Variants in DAG1 observed in about 807,000 individuals in gnomAD.
DAG1 encodes dystroglycan 1 (dystrophin-associated glycoprotein 1).
A neutral mutation model predicts 46.1 loss-of-function variants in DAG1; 8 were observed. The ratio of observed to expected loss-of-function variants is 0.17; its 90% CI spans 0.10 to 0.31. The LOEUF (loss-of-function observed/expected upper bound fraction) is 0.31, where lower values mean the gene tolerates loss of function less well. Among genes scored for constraint, DAG1 ranks in the 10% least tolerant of loss-of-function variants. The probability of loss-of-function intolerance (pLI) is 1.00; values close to 1 mark genes in which losing one functional copy is unlikely to be tolerated. For missense variants in DAG1, 1,003 were observed against 1,189.9 expected (o/e 0.84, Z 2.31); for synonymous variants, 495 against 481.8 (o/e 1.03, Z -0.36).
At chr3:49,469,672 C>G (rs1476382179), upstream of DAG1, among the ~76,000 whole-genome samples, 1 of 152,196 alleles carries the variant, frequency 6.6e-6, no homozygotes, top group Non-Finnish European at 1.5e-5. Flanking sequence ...GCTAGCTTCC[C>G]GCTCCTCCTG....
chr3:49,499,698 C>T (rs1183952406), intron 1 of DAG1, among the ~76,000 whole-genome samples: 1 of 152,138 alleles, frequency 6.6e-6, no homozygotes, highest in East Asian at 1.9e-4. Flanking sequence ...CCCCTTTCCT[C>T]CCACCAAGCA....
At chr3:49,480,592 G>A (rs1313175823) in intron 1 of DAG1, among the ~76,000 whole-genome samples, 2 of 121,010 alleles carry the variant, frequency 1.7e-5, no homozygotes, top group African/African-American at 5.2e-5. Flanking sequence ...TGCGTCCGGC[G>A]CATATAACAT....
intron 1 of DAG1, among the ~76,000 whole-genome samples, chr3:49,482,681 C>T (rs1575346529): frequency 6.6e-6 from 1 of 152,100 alleles, no homozygotes; most frequent in Non-Finnish European, 1.5e-5. Flanking sequence ...AATATTACAC[C>T]ATTTTATATA....
chr3:49,490,136 G>C (rs181977417), intron 1 of DAG1, among the ~76,000 whole-genome samples: 2 of 152,032 alleles, frequency 1.3e-5, no homozygotes, highest in African/African-American at 2.4e-5. Context: ...GACGGATCAC[G>C]AGGTCAGGAG....
intron 1 of DAG1, among the ~76,000 whole-genome samples, chr3:49,491,174 AT>A (rs1553644814): frequency 2.0e-5 from 3 of 149,814 alleles, no homozygotes; most frequent in Admixed American, 6.7e-5. Context: ...CACGCCTGGC[AT>A]TTTTTTCTAT....
At chr3:49,470,036 C>T (rs529343319), upstream of DAG1, 1 of 152,192 alleles carries the variant, frequency 6.6e-6, no homozygotes, top group South Asian at 2.1e-4. Flanking sequence ...TGGGGCGTGA[C>T]TTTTAGGGCG....
At chr3:49,500,880 T>C (rs1016654897) in intron 1 of DAG1, among the ~76,000 whole-genome samples, 2 of 152,184 alleles carry the variant, frequency 1.3e-5, no homozygotes, top group Non-Finnish European at 2.9e-5. Flanking sequence ...GTAGCGTCTC[T>C]ATCTGAATGA....
At chr3:49,508,322 C>T (rs565193796) in intron 1 of DAG1, among the ~76,000 whole-genome samples, 76 of 151,580 alleles carry the variant, frequency 5.0e-4, no homozygotes, top group African/African-American at 1.7e-3. Context: ...CTGCTTCAGC[C>T]TCCCGAGTAG....
At position 49,532,773 on chromosome 3, in the gene DAG1, C is replaced by T; in HGVS notation, c.2262C>T (p.Val754=). ...AGGATGATGTCTACCTGCACACAGT[C>T]ATTCCGGCCGTGGTGGTCGCAGCCA... ...SSEDDVYLHT[V]IPAVVVAAIL... Residue 754 remains valine, a synonymous_variant, in exon 3 of 3, where the codon GTC becomes GTT. Coordinates refer to ENST00000308775, the MANE Select transcript of DAG1 (RefSeq NM_004393.6). The surrounding 1 kb of genome is among the most constrained non-coding windows in gnomAD (Gnocchi z 5.4). 1.2e-6 allele frequency: 2 copies of T among 1,614,088 alleles called. No individual in the cohort carries two copies. The highest frequency in any genetic ancestry group is 1.7e-6 in the Non-Finnish European group (2 of 1,180,030).
Position 49,482,878 on chromosome 3 carries a change from T to C in DAG1, c.-117+12445T>C, listed in dbSNP as rs182895403. 2.0e-5 allele frequency among the ~76,000 whole-genome samples: 3 copies of C among 152,208 alleles called. No homozygotes were observed. In the East Asian group the frequency reaches 5.8e-4, roughly 29 times the overall value. On this transcript the variant is annotated intron_variant, in intron 1 of 2. Coordinates refer to ENST00000308775, the MANE Select transcript of DAG1 (RefSeq NM_004393.6). ...TTTCCCCCCCAGGCATCCTAGGGGTTGATGGGAGATTTACTTAAGATTCCC... is the reference window on the plus strand; with the variant it reads ...TTTCCCCCCCAGGCATCCTAGGGGTCGATGGGAGATTTACTTAAGATTCCC...
Position 49,532,846 on chromosome 3 carries a change from C to T in DAG1, c.2335C>T (p.Arg779Trp), listed in dbSNP as rs886042574. ...IIAMICYRKK[R>W]KGKLTLEDQA... ...TGCCATGATCTGCTACCGCAAGAAG[C>T]GGAAGGGCAAGCTTACCCTTGAGGA... Residue 779 changes from arginine (R) to tryptophan (W), a missense_variant, in exon 3 of 3, where the codon CGG (arginine) becomes TGG (tryptophan). Coordinates refer to ENST00000308775, the MANE Select transcript of DAG1 (RefSeq NM_004393.6). The surrounding 1 kb of genome is among the most constrained non-coding windows in gnomAD (Gnocchi z 5.4). 3.1e-6 allele frequency: 5 copies of T among 1,614,066 alleles called. No homozygotes were observed. Among genetic ancestry groups the T allele is most frequent in the Admixed American group, 1.7e-5 (1 of 60,022 alleles).
chr3:49,476,337 C>T (rs897383932), intron 1 of DAG1, among the ~76,000 whole-genome samples: 8 of 152,162 alleles, frequency 5.3e-5, no homozygotes, highest in Non-Finnish European at 1.0e-4. Context: ...CACCTGTAAT[C>T]CCAGTACTTT....
At chr3:49,489,049 T>C (rs1231624759) in intron 1 of DAG1, among the ~76,000 whole-genome samples, 2 of 152,118 alleles carry the variant, frequency 1.3e-5, no homozygotes, top group African/African-American at 4.8e-5. Context: ...TGCTTTTCAT[T>C]TGTGTCCTAG....
rs2051421040 is a variant in DAG1, at chr3:49,533,285, C to T, written c.*86C>T. The T allele has an allele frequency of 5.1e-6, 8 of 1,569,262 alleles. No homozygotes were observed. Among genetic ancestry groups the T allele is most frequent in the Non-Finnish European group, 6.9e-6 (8 of 1,162,472 alleles). Reference sequence around the variant, plus strand: ...CTGTGGAGACCGGTGGCCTGCAGACCATTGCCCACCGGGAGCCGACACCTG... The same window carrying T: ...CTGTGGAGACCGGTGGCCTGCAGACTATTGCCCACCGGGAGCCGACACCTG... On this transcript the variant is annotated 3_prime_UTR_variant, in exon 3 of 3. Coordinates refer to ENST00000308775, the MANE Select transcript of DAG1 (RefSeq NM_004393.6).
intron 1 of DAG1, among the ~76,000 whole-genome samples, chr3:49,478,874 C>T (rs1056994018): frequency 7.3e-5 from 9 of 123,004 alleles, no homozygotes; most frequent in Non-Finnish European, 7.9e-5. Flanking sequence ...AGTGCAATGG[C>T]GTAATCTCGG....
intron 1 of DAG1, among the ~76,000 whole-genome samples, chr3:49,479,548 C>T (rs1022198984): frequency 2.0e-5 from 3 of 150,784 alleles, no homozygotes; most frequent in African/African-American, 7.3e-5. Flanking sequence ...CTCAGGTGAT[C>T]CCGTCCGTCT....
chr3:49,486,295 T>C (rs1391509791), intron 1 of DAG1, among the ~76,000 whole-genome samples: 1 of 152,022 alleles, frequency 6.6e-6, no homozygotes, highest in African/African-American at 2.4e-5. Flanking sequence ...CTCGGCTCAC[T>C]GCAAGCTCCG....
chr3:49,516,311 C>A (rs981241034), intron 2 of DAG1, among the ~76,000 whole-genome samples: 1 of 152,240 alleles, frequency 6.6e-6, no homozygotes, highest in Non-Finnish European at 1.5e-5. Context: ...TCATTTAGCA[C>A]CTGCAAACCT....
At chr3:49,523,441 C>G (rs914799761) in intron 2 of DAG1, among the ~76,000 whole-genome samples, 24 of 152,230 alleles carry the variant, frequency 1.6e-4, no homozygotes, top group African/African-American at 5.5e-4. Context: ...TGCAGCAGGT[C>G]CCCCACTTCC....
Sources: gnomAD v4.1 joint callset for allele counts (sites outside exome capture counted in the v4.1 genomes callset) on GRCh38, gnomAD v4.1.1 for gene constraint, Gnocchi (gnomAD v3.1) non-coding constraint, MANE v1.5 for transcripts, NCBI Gene and HGNC (gene_info 2026-07-23, HGNC 2026-07-21) for gene names.